NTM: variants seen among roughly 807,000 people sequenced by gnomAD.
NTM encodes neurotrimin.
NTM carries 13 observed loss-of-function variants against 42.1 expected under a neutral mutation model. That is an observed-to-expected ratio of 0.31 (90% CI 0.20 to 0.49). NTM has a LOEUF of 0.49. Ranked by LOEUF, NTM falls within the 20% of genes least tolerant of loss-of-function variation. The pLI is 0.99. For missense variants in NTM, 373 were observed against 452.8 expected (o/e 0.82, Z 1.60); for synonymous variants, 187 against 179.2 (o/e 1.04, Z -0.35).
chr11:131,712,472 G>A (rs2077274585), intron 1 of NTM, among the ~76,000 whole-genome samples: 4 of 152,138 alleles, frequency 2.6e-5, no homozygotes, highest in Admixed American at 2.6e-4. Context: ...ATACACATAT[G>A]TATTAATAAA....
chr11:132,190,038 G>A (rs915376760), intron 3 of NTM, among the ~76,000 whole-genome samples: 6 of 152,222 alleles, frequency 3.9e-5, no homozygotes, highest in African/African-American at 1.4e-4. Flanking sequence ...TGAACAAAGG[G>A]CAAAGAAGGA....
intron 4 of NTM, among the ~76,000 whole-genome samples, chr11:132,259,164 G>A (rs1199428119): frequency 6.6e-6 from 1 of 152,004 alleles, no homozygotes; most frequent in Non-Finnish European, 1.5e-5. Flanking sequence ...ACAAATATAT[G>A]ACTTTCTAGT....
Position 132,336,246 on chromosome 11 carries a change from T to A in NTM, c.*1100T>A, listed in dbSNP as rs560361408. 1 of 152,768 alleles carries A rather than the reference T, an allele frequency of 6.5e-6. No individual in the cohort carries two copies. The highest frequency in any genetic ancestry group is 1.9e-4 in the East Asian group (1 of 5,188). 9.5% of individuals were successfully genotyped at this position (152,768 alleles called of 1,614,324 possible). A position where few individuals can be genotyped will look rare whatever the true frequency, so the allele number is the denominator to read the frequency against. ...CTCCGCAGGGTCCTTTCTCAGACATTACTGCATGCTGTATATGGCGTTAGC... is the reference window on the plus strand; with the variant it reads ...CTCCGCAGGGTCCTTTCTCAGACATAACTGCATGCTGTATATGGCGTTAGC... On this transcript the variant is annotated 3_prime_UTR_variant, in exon 9 of 9. Transcript: ENST00000683400.
chr11:131,500,569 ATATATATATT>A (rs1248937102), intron 1 of NTM, among the ~76,000 whole-genome samples: 895 of 58,036 alleles, frequency 0.015, 18 homozygotes, highest in African/African-American at 0.066. Flanking sequence ...ATATATATAT[ATATATATATT>A]TTTTTTTTTT....
intron 2 of NTM, among the ~76,000 whole-genome samples, chr11:132,065,084 C>T (rs1054325784): frequency 1.3e-5 from 2 of 152,174 alleles, no homozygotes; most frequent in African/African-American, 4.8e-5. Context: ...GAGTGCAGGG[C>T]ATGTGACTCT....
chr11:132,101,497 C>G (rs2061607799), intron 2 of NTM, among the ~76,000 whole-genome samples: 1 of 151,812 alleles, frequency 6.6e-6, no homozygotes, highest in African/African-American at 2.4e-5. Flanking sequence ...TCATGAATAC[C>G]CCTTCTGTAA....
At chr11:131,829,500 T>A (rs1254489066) in intron 1 of NTM, among the ~76,000 whole-genome samples, 1 of 152,192 alleles carries the variant, frequency 6.6e-6, no homozygotes, top group Non-Finnish European at 1.5e-5. Context: ...GCATACATAT[T>A]GCTGCAAAGG....
chr11:132,006,849 G>A (rs968085278), intron 2 of NTM, among the ~76,000 whole-genome samples: 2 of 152,216 alleles, frequency 1.3e-5, no homozygotes, highest in African/African-American at 4.8e-5. Flanking sequence ...TGGTGATCAT[G>A]GGTGCCACTT....
intron 1 of NTM, among the ~76,000 whole-genome samples, chr11:131,853,527 G>A (rs914903159): frequency 1.3e-5 from 2 of 152,168 alleles, no homozygotes; most frequent in Non-Finnish European, 2.9e-5. Context: ...GTTTGCTAAC[G>A]GCAATGGCCT....
At chr11:131,953,339 A>AG in intron 2 of NTM, among the ~76,000 whole-genome samples, 1 of 152,128 alleles carries the variant, frequency 6.6e-6, no homozygotes, top group Non-Finnish European at 1.5e-5. Context: ...CCTGGTTACA[A>AG]GGGGCGAGTG....
chr11:131,502,508 G>A (rs531391369), intron 1 of NTM, among the ~76,000 whole-genome samples: 3 of 152,160 alleles, frequency 2.0e-5, no homozygotes, highest in Non-Finnish European at 2.9e-5. Flanking sequence ...GGAGGCAGGA[G>A]CTGGGAGCGG....
chr11:131,516,558 G>C (rs559856001), intron 1 of NTM, among the ~76,000 whole-genome samples: 1 of 152,236 alleles, frequency 6.6e-6, no homozygotes, highest in East Asian at 1.9e-4. Context: ...ATCTAGCAGA[G>C]ACGGGGTTTC....
At chr11:131,448,814 G>C (rs1419645756) in intron 1 of NTM, among the ~76,000 whole-genome samples, 2 of 152,218 alleles carry the variant, frequency 1.3e-5, no homozygotes, top group African/African-American at 4.8e-5. Flanking sequence ...CGGAAGTCAC[G>C]ACAAGCCTGC....
chr11:131,382,599 T>G (rs192825463), intron 1 of NTM, among the ~76,000 whole-genome samples: 22 of 152,328 alleles, frequency 1.4e-4, no homozygotes, highest in African/African-American at 4.6e-4. Flanking sequence ...AAGTTTTGCC[T>G]TTAGAGCTAT....
chr11:132,051,044 T>C (rs2078782302), intron 2 of NTM, among the ~76,000 whole-genome samples: 1 of 152,214 alleles, frequency 6.6e-6, no homozygotes, highest in South Asian at 2.1e-4. Context: ...TAAAGACAGA[T>C]GCCTTGCTCC....
intron 1 of NTM, among the ~76,000 whole-genome samples, chr11:131,847,905 A>C (rs1271274635): frequency 6.6e-6 from 1 of 152,090 alleles, no homozygotes; most frequent in African/African-American, 2.4e-5. Context: ...CATCCAGTTG[A>C]CGAGATTTAA....
chr11:132,168,569 T>C (rs1653079717), intron 3 of NTM, among the ~76,000 whole-genome samples: 1 of 152,214 alleles, frequency 6.6e-6, no homozygotes, highest in African/African-American at 2.4e-5. Context: ...ACTGAGACGT[T>C]TGAAAACAGT....
intron 4 of NTM, among the ~76,000 whole-genome samples, chr11:132,240,350 C>T (rs927890331): frequency 2.6e-5 from 4 of 152,150 alleles, no homozygotes; most frequent in African/African-American, 9.7e-5. Context: ...AGATAAAAGA[C>T]AGAGTGGAAT....
chr11:131,774,413 T>C (rs1453159914), intron 1 of NTM, among the ~76,000 whole-genome samples: 1 of 152,238 alleles, frequency 6.6e-6, no homozygotes, highest in Non-Finnish European at 1.5e-5. Flanking sequence ...GAAAAATCAC[T>C]GTCAAAAGTC....
Sources: gnomAD v4.1 joint callset for allele counts (sites outside exome capture counted in the v4.1 genomes callset) on GRCh38, gnomAD v4.1.1 for gene constraint, MANE v1.5 for transcripts, NCBI Gene and HGNC (gene_info 2026-07-23, HGNC 2026-07-21) for gene names.